Variants in AATF observed in about 807,000 individuals in gnomAD.
AATF encodes the protein apoptosis antagonizing transcription factor, also known as protein AATF.
Under a neutral mutation model 63.7 loss-of-function variants are expected in AATF, and 48 were observed. That is an observed-to-expected ratio of 0.75 (90% confidence interval 0.60 to 0.96). The LOEUF (loss-of-function observed/expected upper bound fraction) is 0.96. AATF is among the 40% of genes least tolerant of loss of function. AATF has a pLI of 0.00. For missense variants in AATF, 639 were observed against 685.7 expected (o/e 0.93, Z 0.76); for synonymous variants, 258 against 247.7 (o/e 1.04, Z -0.39).
At chr17:37,027,394 G>A (rs975702402) in intron 10 of AATF, among the ~76,000 whole-genome samples, 11 of 151,796 alleles carry the variant, frequency 7.2e-5, no homozygotes, top group African/African-American at 1.9e-4. Flanking sequence ...CATTTGCAGT[G>A]GCACCGAGAC....
chr17:37,023,971 C>G (rs972282456), intron 10 of AATF, among the ~76,000 whole-genome samples: 3 of 152,078 alleles, frequency 2.0e-5, no homozygotes, highest in Non-Finnish European at 4.4e-5. Context: ...ACTTATAATA[C>G]CTAGTTCAAT....
At chr17:36,954,730 C>A (rs544875049) in intron 4 of AATF, among the ~76,000 whole-genome samples, 6 of 152,214 alleles carry the variant, frequency 3.9e-5, no homozygotes, top group Admixed American at 2.0e-4. Flanking sequence ...AATGACTTGC[C>A]CAAAGTTGCA....
At chr17:37,051,726 A>ACACG (rs1555656092) in intron 11 of AATF, among the ~76,000 whole-genome samples, 4 of 151,590 alleles carry the variant, frequency 2.6e-5, no homozygotes, top group Admixed American at 1.3e-4. Flanking sequence ...ACACACACAC[A>ACACG]CACGCACATT....
At chr17:37,046,703 G>A (rs2071694492) in intron 11 of AATF, among the ~76,000 whole-genome samples, 1 of 150,774 alleles carries the variant, frequency 6.6e-6, no homozygotes, top group Non-Finnish European at 1.5e-5. Flanking sequence ...TTAAGCTAGA[G>A]CTGAGCGATG....
intron 1 of AATF, 111 bp downstream of exon 1, chr17:36,949,327 C>T (rs1249549051): frequency 1.9e-6 from 2 of 1,076,434 alleles, no homozygotes; most frequent in Non-Finnish European, 2.6e-6. Flanking sequence ...CGCTCCTTCG[C>T]TTGGCGCAGA....
chr17:37,002,805 C>T (rs1220782856), intron 8 of AATF, among the ~76,000 whole-genome samples: 1 of 151,766 alleles, frequency 6.6e-6, no homozygotes, highest in Non-Finnish European at 1.5e-5. Context: ...AAAGCTGTCC[C>T]ATGTCCATGG....
At chr17:36,950,153 G>A (rs1567961372) in intron 1 of AATF, 61 bp from the exon 2 acceptor site, 11 of 1,562,262 alleles carry the variant, frequency 7.0e-6, no homozygotes, top group Non-Finnish European at 8.7e-6. Context: ...GTCGACCAGG[G>A]TTCCCGTTAA....
intron 8 of AATF, among the ~76,000 whole-genome samples, chr17:36,994,490 G>A (rs1174126545): frequency 6.6e-6 from 1 of 152,216 alleles, no homozygotes; most frequent in Non-Finnish European, 1.5e-5. Flanking sequence ...ATAGCCAATG[G>A]TGAAGGTTTT....
intron 11 of AATF, among the ~76,000 whole-genome samples, chr17:37,053,732 G>C (rs2071773354): frequency 1.3e-5 from 2 of 152,172 alleles, no homozygotes; most frequent in Admixed American, 1.3e-4. Flanking sequence ...CGGGCGTGGT[G>C]GTGCGCACCT....
chr17:37,020,780 A>G (rs1396691877), intron 9 of AATF, among the ~76,000 whole-genome samples, 154 bp from the exon 10 acceptor site: 2 of 152,196 alleles, frequency 1.3e-5, no homozygotes, highest in Admixed American at 1.3e-4. Flanking sequence ...AATCCTGTTC[A>G]ATTGATTAGT....
At chr17:36,996,523 C>T (rs1001321378) in intron 8 of AATF, among the ~76,000 whole-genome samples, 1 of 152,162 alleles carries the variant, frequency 6.6e-6, no homozygotes, top group Non-Finnish European at 1.5e-5. Context: ...AAAAACAACT[C>T]AAAGCAAATA....
intron 9 of AATF, among the ~76,000 whole-genome samples, chr17:37,019,703 A>G (rs1234900576): frequency 2.6e-5 from 4 of 152,252 alleles, no homozygotes; most frequent in Non-Finnish European, 5.9e-5. Context: ...ATGAAAGGAA[A>G]CAAAAGCTGC....
intron 4 of AATF, among the ~76,000 whole-genome samples, chr17:36,957,940 C>T (rs1267724284): frequency 6.6e-6 from 1 of 152,142 alleles, no homozygotes; most frequent in African/African-American, 2.4e-5. Flanking sequence ...TGAATATCTC[C>T]TTCCTCTCCA....
rs553844246 is a variant in AATF, at chr17:37,009,041, T to C, written c.1399-9964T>C. Among the ~76,000 whole-genome samples, 10 of 152,312 alleles carry C rather than the reference T, an allele frequency of 6.6e-5. No individual in the cohort carries two copies. In the South Asian group the frequency reaches 2.1e-3, roughly 32 times the overall value. On this transcript the variant is annotated intron_variant, in intron 8 of 11. Transcript: ENST00000619387. ...AGAACCAACTTTTTCCTTTAGGAAA[T>C]GAGACACAAGAGGGAGTATAGATCT... is the stretch of plus-strand genomic sequence containing the variant.
intron 10 of AATF, among the ~76,000 whole-genome samples, chr17:37,025,547 G>C (rs1395965652): frequency 6.6e-6 from 1 of 152,184 alleles, no homozygotes; most frequent in Non-Finnish European, 1.5e-5. Flanking sequence ...ACAGTGTTTA[G>C]TAAGGGGTCA....
chr17:36,953,957 G>T, intron 4 of AATF, 50 bp downstream of exon 4: 1 of 1,579,572 alleles, frequency 6.3e-7, no homozygotes, highest in South Asian at 1.2e-5. Flanking sequence ...TTTGTCAAAT[G>T]AAGACAGCTT....
chr17:37,006,025 C>T (rs757144740), intron 8 of AATF, among the ~76,000 whole-genome samples: 3 of 152,044 alleles, frequency 2.0e-5, no homozygotes, highest in Non-Finnish European at 2.9e-5. Context: ...GTCCCAGCTA[C>T]TCAGGAGGCT....
At chr17:37,017,150 A>G (rs1015494948) in intron 8 of AATF, among the ~76,000 whole-genome samples, 5 of 152,166 alleles carry the variant, frequency 3.3e-5, no homozygotes, top group Non-Finnish European at 7.4e-5. Flanking sequence ...GCAGCCTTCC[A>G]TGAGCACTTG....
chr17:37,055,716 G>A (rs2142335410), intron 11 of AATF: 1 of 152,456 alleles, frequency 6.6e-6, no homozygotes, highest in East Asian at 1.9e-4. Context: ...GGCTGCCTCT[G>A]CGGCCACGTG....
Sources: gnomAD v4.1 joint callset for allele counts (sites outside exome capture counted in the v4.1 genomes callset) on GRCh38, gnomAD v4.1.1 for gene constraint, MANE v1.5 for transcripts, NCBI Gene and HGNC (gene_info 2026-07-23, HGNC 2026-07-21) for gene names.